Variants in HOXA3 observed in about 807,000 individuals in gnomAD.
HOXA3 encodes homeobox A3, also known as homeobox protein Hox-A3.
A neutral mutation model predicts 30.3 loss-of-function variants in HOXA3; 8 were observed. The observed-to-expected ratio is 0.26, with a 90% CI of 0.15 to 0.48. The LOEUF (loss-of-function observed/expected upper bound fraction) is 0.48, where lower values mean the gene tolerates loss of function less well. HOXA3 is among the 20% of genes least tolerant of loss of function. The pLI is 0.99. For missense variants in HOXA3, 653 were observed against 614.4 expected (o/e 1.06, Z -0.66); for synonymous variants, 323 against 273.1 (o/e 1.18, Z -1.80).
At chr7:27,123,712 C>G (rs192271702) in intron 3 of HOXA3, 1 of 152,324 alleles carries the variant, frequency 6.6e-6, no homozygotes, top group Non-Finnish European at 1.5e-5. Context: ...CTGTAGATAG[C>G]GCTAAGAGGG....
At chr7:27,130,767 C>T in intron 2 of HOXA3, 1 of 1,582,056 alleles carries the variant, frequency 6.3e-7, no homozygotes, top group Non-Finnish European at 8.6e-7. Flanking sequence ...TAATTTTTCT[C>T]GCGTTGTCGT....
At chr7:27,139,314 G>A (rs1360177676) in intron 2 of HOXA3, among the ~76,000 whole-genome samples, 1 of 152,116 alleles carries the variant, frequency 6.6e-6, no homozygotes, top group Admixed American at 6.5e-5. Flanking sequence ...TCCCGGGTGC[G>A]GGGGAGGGGG....
intron 2 of HOXA3, chr7:27,130,228 C>A: frequency 7.1e-7 from 1 of 1,402,122 alleles, no homozygotes; most frequent in Non-Finnish European, 9.3e-7. Flanking sequence ...GGCGCTGCCC[C>A]CTGCCGGGAC....
At chr7:27,111,513 T>TGTGTGTGTGTGTGTGTGTG (rs1554336191) in intron 4 of HOXA3, among the ~76,000 whole-genome samples, 1 of 148,484 alleles carries the variant, frequency 6.7e-6, no homozygotes. Flanking sequence ...TGTGTGTGTG[T>TGTGTGTGTGTGTGTGTGTG]TTAGGGTGAG....
Position 27,107,998 on chromosome 7 carries a change from G to T in HOXA3, c.1249C>A (p.Pro417Thr), listed in dbSNP as rs1488723579. 2 of 1,611,684 alleles carry T rather than the reference G, an allele frequency of 1.2e-6. No individual in the cohort carries two copies. The highest frequency in any genetic ancestry group is 2.7e-5 in the African/African-American group (2 of 74,806). The part of the protein sequence containing the change: ...GHHHGPGPGE[P>T]HPTYTDLTGH... ...GTAAGGTCCGTGTAGGTGGGGTGCG[G>T]CTCCCCAGGCCCCGGCCCGTGGTGG... Residue 417 changes from proline (P) to threonine (T), a missense_variant, in exon 6 of 6, where the codon CCG (proline) becomes ACG (threonine). Physicochemically the swap from Pro to Thr is conservative, Grantham distance 38. This residue lies in a region of HOXA3 where 330 missense variants were observed against 274.4 expected (regional missense o/e 1.20). Transcript: ENST00000612286.
chr7:27,147,188 T>G (rs1782797384), intron 1 of HOXA3: 1 of 1,044,804 alleles, frequency 9.6e-7, no homozygotes. Flanking sequence ...CCAAAGAAAC[T>G]TTGCTGGTTC....
chr7:27,150,664 C>A (rs967911881), intron 1 of HOXA3: 2 of 152,574 alleles, frequency 1.3e-5, no homozygotes, highest in Admixed American at 6.5e-5. Flanking sequence ...AGCGTGCGCC[C>A]CCAGAACGCC....
chr7:27,127,608 G>A (rs1305042511), intron 2 of HOXA3, among the ~76,000 whole-genome samples: 2 of 152,204 alleles, frequency 1.3e-5, no homozygotes, highest in African/African-American at 4.8e-5. Context: ...GGGCTAGTGT[G>A]CACAGGTTTT....
intron 4 of HOXA3, among the ~76,000 whole-genome samples, chr7:27,116,926 G>A (rs959200029): frequency 1.3e-5 from 2 of 152,172 alleles, no homozygotes; most frequent in African/African-American, 4.8e-5. Flanking sequence ...TCCCACTCAA[G>A]TAGGGGATGC....
At position 27,110,530 on chromosome 7, in the gene HOXA3, G is replaced by C; in HGVS notation, c.111C>G (p.Ala37=). 6.2e-7 allele frequency: 1 copy of C among 1,607,332 alleles called. No individual in the cohort carries two copies. Among genetic ancestry groups the C allele is most frequent in the Non-Finnish European group, 8.5e-7 (1 of 1,175,370 alleles). The change falls in exon 5 of 6, where the codon GCC becomes GCG. Residue 37 remains alanine, a synonymous_variant. Coordinates refer to ENST00000612286, the MANE Select transcript of HOXA3 (RefSeq NM_153631.3). ...NANQQPYPAS[A]ALGADGEYHR... ...GGTACTCGCCGTCGGCGCCCAAAGC[G>C]GCGGACGCCGGGTACGGCTGCTGAT...
intron 4 of HOXA3, among the ~76,000 whole-genome samples, chr7:27,117,921 C>G (rs930550375): frequency 6.6e-6 from 1 of 152,110 alleles, no homozygotes; most frequent in African/African-American, 2.4e-5. Context: ...CTGGGCCCAC[C>G]TAGGAGCCCC....
At chr7:27,147,429 G>C (rs762204914) in intron 1 of HOXA3, 17 of 1,614,076 alleles carry the variant, frequency 1.1e-5, no homozygotes, top group African/African-American at 9.3e-5. Flanking sequence ...ACTGCTGCTC[G>C]GGAGAAAAGT....
At chr7:27,149,507 G>A (rs1057400678) in intron 1 of HOXA3, among the ~76,000 whole-genome samples, 10 of 152,246 alleles carry the variant, frequency 6.6e-5, no homozygotes, top group African/African-American at 2.4e-4. Flanking sequence ...AATTGGGAAA[G>A]GACTGGCCTA....
At chr7:27,129,988 G>T in intron 2 of HOXA3, 3 of 1,096,310 alleles carry the variant, frequency 2.7e-6, no homozygotes, top group East Asian at 5.4e-5. Context: ...ACATCTCACC[G>T]CAGCCCGGGT....
At chr7:27,129,217 C>G (rs926707816) in intron 2 of HOXA3, 1 of 1,453,580 alleles carries the variant, frequency 6.9e-7, no homozygotes, top group Admixed American at 1.7e-5. Flanking sequence ...GTTAAGATCT[C>G]TAGAAGATTA....
intron 2 of HOXA3, chr7:27,129,548 C>A: frequency 1.2e-6 from 2 of 1,613,750 alleles, no homozygotes; most frequent in Non-Finnish European, 1.7e-6. Context: ...CGCTTAGGCT[C>A]CCCTCCGTTA....
At chr7:27,129,168 GGAGAA>G (rs1274235176) in intron 2 of HOXA3, 5 of 1,044,832 alleles carry the variant, frequency 4.8e-6, no homozygotes, top group East Asian at 2.4e-5. Context: ...GAACGGAGCA[GGAGAA>G]GAGAAGAGAA....
chr7:27,145,446 GGTTTTGTTTTGTTTTGTTTTGTTTT>G (rs142508258), intron 1 of HOXA3: 138 of 331,030 alleles, frequency 4.2e-4, no homozygotes, highest in African/African-American at 1.5e-3. Context: ...CTGTGTGTGA[GGTTTTGTTTTGTTTTGTTTTGTTTT>G]GTTTTGTTTT....
At chr7:27,128,362 T>TACACACACTC (rs1400305235) in intron 2 of HOXA3, 6 of 152,324 alleles carry the variant, frequency 3.9e-5, no homozygotes, top group African/African-American at 1.4e-4. Flanking sequence ...TGAACATACA[T>TACACACACTC]ACACACACTC....
Sources: allele counts gnomAD v4.1 joint callset (sites outside exome capture counted in the v4.1 genomes callset), GRCh38; gene constraint gnomAD v4.1.1; regional missense constraint gnomAD v4.1.1; transcripts MANE v1.5; gene names NCBI Gene and HGNC (gene_info 2026-07-23, HGNC 2026-07-21).